The following SLC9A9 variants were observed in gnomAD, a reference collection of about 807,000 sequenced individuals.
SLC9A9 encodes the protein solute carrier family 9 member A9.
SLC9A9 carries 62 observed loss-of-function variants against 77.8 expected under a neutral mutation model. The ratio of observed to expected loss-of-function variants is 0.80; its 90% confidence interval spans 0.65 to 0.98. SLC9A9 has a LOEUF of 0.98. SLC9A9 is among the 50% of genes least tolerant of loss of function. The pLI is 0.00. For missense variants in SLC9A9, 775 were observed against 774.9 expected, an observed-to-expected ratio of 1.00 and a Z score of 0.00; for synonymous variants, 320 against 283.5, an observed-to-expected ratio of 1.13 and a Z score of -1.29.
intron 12 of SLC9A9, among the ~76,000 whole-genome samples, chr3:143,400,540 G>T (rs763390178): frequency 1.3e-5 from 2 of 152,120 alleles, no homozygotes. Flanking sequence ...CAGGGCAAAG[G>T]CTGGCAGGTG....
intron 4 of SLC9A9, among the ~76,000 whole-genome samples, chr3:143,734,691 G>A (rs1227994258): frequency 1.4e-5 from 2 of 138,280 alleles, no homozygotes; most frequent in Admixed American, 7.8e-5. Flanking sequence ...CCAAGATCCC[G>A]CCACTGCACT....
intron 4 of SLC9A9, among the ~76,000 whole-genome samples, chr3:143,748,692 C>CTTTTTT (rs35698779): frequency 2.0e-4 from 21 of 106,006 alleles, no homozygotes; most frequent in African/African-American, 4.4e-4. Context: ...TTTGACCAAG[C>CTTTTTT]TTTTTTTTTT....
At chr3:143,655,534 C>T in intron 5 of SLC9A9, 1 of 985,400 alleles carries the variant, frequency 1.0e-6, no homozygotes, top group Non-Finnish European at 1.2e-6. Context: ...TTTCATGCTT[C>T]ACTTGTGGCT....
chr3:143,275,663 G>T (rs1272851438), intron 14 of SLC9A9, among the ~76,000 whole-genome samples: 1 of 151,618 alleles, frequency 6.6e-6, no homozygotes, highest in Non-Finnish European at 1.5e-5. Flanking sequence ...TCTATTTCTA[G>T]AGTTTGTTTT....
At chr3:143,822,041 T>G (rs1224816203) in intron 2 of SLC9A9, among the ~76,000 whole-genome samples, 1 of 152,208 alleles carries the variant, frequency 6.6e-6, no homozygotes, top group Admixed American at 6.5e-5. Flanking sequence ...CCCAACGTCA[T>G]GCACTTTCCA....
Position 143,848,139 on chromosome 3 carries a change from T to C in SLC9A9, c.175+9A>G. 1.2e-6 allele frequency: 2 copies of C among 1,611,244 alleles called. No homozygotes were observed. The highest frequency in any genetic ancestry group is 2.7e-5 in the African/African-American group (2 of 74,966). On this transcript the variant is annotated intron_variant, in intron 1 of 15. Coordinates refer to ENST00000316549, the MANE Select transcript of SLC9A9 (RefSeq NM_173653.4). ...AGTTTCACATCAATCTCACAATTTA[T>C]GCACTCACCATACACCATTGCTCCT...
chr3:143,731,576 A>G (rs557596749), intron 4 of SLC9A9, among the ~76,000 whole-genome samples: 1 of 152,258 alleles, frequency 6.6e-6, no homozygotes, highest in African/African-American at 2.4e-5. Flanking sequence ...GGCTGTACCC[A>G]TCCCTTTCTA....
At chr3:143,630,252 G>A (rs572904608) in intron 6 of SLC9A9, among the ~76,000 whole-genome samples, 2 of 152,268 alleles carry the variant, frequency 1.3e-5, no homozygotes, top group South Asian at 4.1e-4. Flanking sequence ...AACTCCTTAA[G>A]CCAAGCCATT....
chr3:143,505,789 T>A (rs967024492), intron 9 of SLC9A9, among the ~76,000 whole-genome samples: 1 of 152,162 alleles, frequency 6.6e-6, no homozygotes, highest in East Asian at 1.9e-4. Flanking sequence ...ATAAATGTAG[T>A]TACAGCTACA....
rs1257098766 is a variant in SLC9A9, at chr3:143,765,293, C to T, written c.533+29708G>A. On this transcript the variant is annotated intron_variant, in intron 4 of 15. Transcript: ENST00000316549. ...GGCTCAAGGGATTCTCCTGCCTTGG[C>T]CTCCCAAAGTGCTAGGATTACAGGC... Among the ~76,000 whole-genome samples, 4 of 151,932 alleles carry T rather than the reference C, an allele frequency of 2.6e-5. No homozygotes were observed. The South Asian group carries it at 8.3e-4, about 32-fold the overall frequency.
In SLC9A9 at chr3:143,809,099, G is replaced by T. The variant is rs190136780; in HGVS notation, c.379-12196C>A. 1.1e-4 allele frequency among the ~76,000 whole-genome samples: 16 copies of T among 152,274 alleles called. 1 individual carries two copies. The highest frequency in any genetic ancestry group is 8.5e-4 in the Admixed American group (13 of 15,304). On this transcript the variant is annotated intron_variant, in intron 2 of 15. Coordinates refer to ENST00000316549, the MANE Select transcript of SLC9A9 (RefSeq NM_173653.4). ...AGAATATATCAATGCATATTTGAAA[G>T]TTTTTAGCATAGAGATGTATTTCTG...
chr3:143,442,296 C>A (rs947504758), intron 12 of SLC9A9, among the ~76,000 whole-genome samples: 2 of 152,212 alleles, frequency 1.3e-5, no homozygotes, highest in Non-Finnish European at 2.9e-5. Context: ...GCCCTCATGT[C>A]AATAAAACAG....
chr3:143,400,939 C>G (rs900102618), intron 12 of SLC9A9, among the ~76,000 whole-genome samples: 1 of 151,980 alleles, frequency 6.6e-6, no homozygotes, highest in East Asian at 1.9e-4. Context: ...CAGTCCTGAT[C>G]GTGGGTGAAG....
chr3:143,737,708 C>A (rs776666955), intron 4 of SLC9A9, among the ~76,000 whole-genome samples: 85 of 152,224 alleles, frequency 5.6e-4, no homozygotes, highest in Non-Finnish European at 7.2e-4. Context: ...GAAAACATGA[C>A]CTTCTAGCAT....
chr3:143,517,678 A>T (rs1559949471), intron 9 of SLC9A9: 3 of 1,597,512 alleles, frequency 1.9e-6, no homozygotes, highest in Non-Finnish European at 2.5e-6. Context: ...GCCACTTGTA[A>T]GGCTGAGCTG....
intron 14 of SLC9A9, among the ~76,000 whole-genome samples, chr3:143,310,385 T>A (rs1023684156): frequency 2.6e-5 from 4 of 152,146 alleles, no homozygotes; most frequent in Admixed American, 6.5e-5. Context: ...TGGGTAATAA[T>A]CTCCTTTCTA....
intron 12 of SLC9A9, among the ~76,000 whole-genome samples, chr3:143,413,944 A>T (rs2034144778): frequency 6.6e-6 from 1 of 152,242 alleles, no homozygotes; most frequent in Non-Finnish European, 1.5e-5. Flanking sequence ...AATCCCATTA[A>T]ACACACTGTC....
intron 14 of SLC9A9, among the ~76,000 whole-genome samples, chr3:143,303,500 G>A (rs2030629610): frequency 6.6e-6 from 1 of 152,116 alleles, no homozygotes; most frequent in African/African-American, 2.4e-5. Flanking sequence ...TTGCATGAGA[G>A]GCAGCAAGAG....
chr3:143,606,792 T>C (rs1005685909), intron 6 of SLC9A9, among the ~76,000 whole-genome samples: 5 of 150,602 alleles, frequency 3.3e-5, no homozygotes, highest in African/African-American at 9.8e-5. Flanking sequence ...AAAGGTAAAA[T>C]GTAAAAGAAT....
Sources: allele counts gnomAD v4.1 joint callset (sites outside exome capture counted in the v4.1 genomes callset), GRCh38; gene constraint gnomAD v4.1.1; transcripts MANE v1.5; gene names NCBI Gene and HGNC (gene_info 2026-07-23, HGNC 2026-07-21).